The following OSBPL8 variants were observed in gnomAD, a reference collection of about 807,000 sequenced individuals.
OSBPL8 encodes the protein oxysterol-binding protein-related protein 8.
OSBPL8 carries 59 observed loss-of-function variants against 125.5 expected under a neutral mutation model. The ratio of observed to expected loss-of-function variants is 0.47; its 90% CI spans 0.38 to 0.58. OSBPL8 has a LOEUF of 0.58. Among genes scored for constraint, OSBPL8 ranks in the 20% least tolerant of loss-of-function variants. The probability of loss-of-function intolerance (pLI) is 0.00; values close to 1 mark genes in which losing one functional copy is unlikely to be tolerated. For synonymous variants in OSBPL8, 330 were observed against 338.9 expected (o/e 0.97, Z 0.29); for missense variants, 758 against 1,047.8 (o/e 0.72, Z 3.82).
At chr12:76,454,668 G>C (rs1357747691) in intron 3 of OSBPL8, among the ~76,000 whole-genome samples, 1 of 151,156 alleles carries the variant, frequency 6.6e-6, no homozygotes, top group African/African-American at 2.4e-5. Flanking sequence ...GCAGTAAGCT[G>C]TGATAACACC....
intron 5 of OSBPL8, among the ~76,000 whole-genome samples, chr12:76,402,984 A>G (rs1160393360): frequency 6.6e-6 from 1 of 152,202 alleles, no homozygotes; most frequent in African/African-American, 2.4e-5. Flanking sequence ...ACAAACCTAC[A>G]ATGTGAAGTT....
rs193181111 is a variant in OSBPL8 at position 76,364,159 on chromosome 12, C to T, written c.2328+5055G>A. 1.6e-3 allele frequency among the ~76,000 whole-genome samples: 243 copies of T among 152,178 alleles called. 1 individual carries two copies. The highest frequency in any genetic ancestry group is 5.6e-3 in the African/African-American group (234 of 41,522). On this transcript the variant is annotated intron_variant, in intron 21 of 23. Transcript: ENST00000261183. ...AGTGATCCCATTACTGGGTATATAC[C>T]GAAGGATTATAAATCATTCTACTAT...
chr12:76,391,950 G>C (rs1460822180), intron 10 of OSBPL8, among the ~76,000 whole-genome samples: 1 of 152,158 alleles, frequency 6.6e-6, no homozygotes, highest in Non-Finnish European at 1.5e-5. Flanking sequence ...GGAGGAAATA[G>C]AAAAGTCTAA....
chr12:76,554,342 C>T (rs946419205), intron 1 of OSBPL8, among the ~76,000 whole-genome samples: 14 of 152,196 alleles, frequency 9.2e-5, no homozygotes, highest in South Asian at 2.1e-4. Context: ...AAGGTCAAGA[C>T]GTATCAAGAG....
intron 2 of OSBPL8, among the ~76,000 whole-genome samples, chr12:76,465,450 C>T (rs1400276423): frequency 1.3e-5 from 2 of 151,998 alleles, no homozygotes; most frequent in East Asian, 3.9e-4. Flanking sequence ...GTCCTAGCTA[C>T]TCAGGAGGCT....
At chr12:76,389,936 G>T in intron 11 of OSBPL8, 107 bp from the exon 12 acceptor site, 1 of 817,614 alleles carries the variant, frequency 1.2e-6, no homozygotes. Context: ...ACTACTCCAA[G>T]CATTCTTTAA....
chr12:76,427,196 AAAAGTATT>A (rs1410908241), intron 4 of OSBPL8, among the ~76,000 whole-genome samples: 2 of 152,120 alleles, frequency 1.3e-5, no homozygotes, highest in Admixed American at 6.6e-5. Flanking sequence ...GGCAAACTAA[AAAAGTATT>A]ATTTCAAGAG....
chr12:76,482,436 A>T (rs1877609212), intron 2 of OSBPL8, among the ~76,000 whole-genome samples: 1 of 152,166 alleles, frequency 6.6e-6, no homozygotes, highest in Non-Finnish European at 1.5e-5. Flanking sequence ...CAACATGGAG[A>T]AACCCCGTCT....
At chr12:76,365,648 G>T (rs2136169109) in intron 21 of OSBPL8, among the ~76,000 whole-genome samples, 1 of 152,266 alleles carries the variant, frequency 6.6e-6, no homozygotes, top group East Asian at 1.9e-4. Flanking sequence ...TAGGAGTGGT[G>T]AAAGTGGGAA....
intron 1 of OSBPL8, among the ~76,000 whole-genome samples, chr12:76,518,795 G>A (rs2064379830): frequency 6.6e-6 from 1 of 152,236 alleles, no homozygotes; most frequent in Admixed American, 6.5e-5. Context: ...GGCTGGAGCT[G>A]GAGCAGCTAG....
intron 1 of OSBPL8, among the ~76,000 whole-genome samples, chr12:76,558,232 AC>A (rs750580295): frequency 4.6e-5 from 7 of 152,246 alleles, no homozygotes; most frequent in Non-Finnish European, 8.8e-5. Context: ...ATTTTATAAA[AC>A]TAGCATGATC....
chr12:76,400,597 TATTCTAAAGA>T (rs1159975288), intron 6 of OSBPL8, among the ~76,000 whole-genome samples: 1 of 152,152 alleles, frequency 6.6e-6, no homozygotes, highest in East Asian at 1.9e-4. Context: ...CCTAATCTAG[TATTCTAAAGA>T]GGTTTAGAAT....
intron 9 of OSBPL8, among the ~76,000 whole-genome samples, chr12:76,394,303 T>C (rs1284441223): frequency 6.6e-6 from 1 of 152,116 alleles, no homozygotes; most frequent in East Asian, 1.9e-4. Flanking sequence ...ATATGTCTCA[T>C]AAATGGTAAC....
At chr12:76,543,332 A>G (rs1950696282) in intron 1 of OSBPL8, among the ~76,000 whole-genome samples, 1 of 152,224 alleles carries the variant, frequency 6.6e-6, no homozygotes, top group South Asian at 2.1e-4. Flanking sequence ...AAATGAGGAC[A>G]CTTCATTAAA....
At chr12:76,442,328 C>T (rs998544945) in intron 4 of OSBPL8, among the ~76,000 whole-genome samples, 2 of 152,074 alleles carry the variant, frequency 1.3e-5, no homozygotes, top group South Asian at 2.1e-4. Context: ...ATTTAAAAAA[C>T]GATTTCATTT....
Position 76,361,731 on chromosome 12 carries a change from G to A in OSBPL8, c.2329-2920C>T, listed in dbSNP as rs189477504. 1.8e-3 allele frequency among the ~76,000 whole-genome samples: 280 copies of A among 152,240 alleles called. 1 individual carries two copies. The highest frequency in any genetic ancestry group is 2.5e-3 in the South Asian group (12 of 4,820). ...AAGAGAATGAGAAAGATGCAAAAGCGGAAACCCCTGATAAAACCAGCAGAT... is the reference window on the plus strand; with the variant it reads ...AAGAGAATGAGAAAGATGCAAAAGCAGAAACCCCTGATAAAACCAGCAGAT... On this transcript the variant is annotated intron_variant, in intron 21 of 23. Transcript: ENST00000261183.
At chr12:76,553,383 G>T (rs553073956) in intron 1 of OSBPL8, among the ~76,000 whole-genome samples, 1 of 150,102 alleles carries the variant, frequency 6.7e-6, no homozygotes, top group Non-Finnish European at 1.5e-5. Flanking sequence ...CACTAAATAG[G>T]CCTGGCATGG....
At chr12:76,378,793 GTC>G (rs1028008929) in intron 15 of OSBPL8, among the ~76,000 whole-genome samples, 4 of 151,602 alleles carry the variant, frequency 2.6e-5, no homozygotes, top group African/African-American at 9.7e-5. Flanking sequence ...TTGAGATGGA[GTC>G]TCTGTCACTC....
intron 2 of OSBPL8, chr12:76,486,048 T>C (rs979492648): frequency 4.6e-6 from 2 of 434,114 alleles, no homozygotes; most frequent in Admixed American, 5.1e-5. Flanking sequence ...CCGTTTTTCA[T>C]TTAAATCAAT....
Sources: gnomAD v4.1 joint callset for allele counts (sites outside exome capture counted in the v4.1 genomes callset) on GRCh38, gnomAD v4.1.1 for gene constraint, MANE v1.5 for transcripts, NCBI Gene and HGNC (gene_info 2026-07-23, HGNC 2026-07-21) for gene names.